Variants in EIPR1 observed in about 807,000 individuals in gnomAD.
EIPR1 encodes the protein EARP complex and GARP complex interacting protein 1.
Under a neutral mutation model 48.1 loss-of-function variants are expected in EIPR1, and 25 were observed. The observed-to-expected ratio is 0.52, with a 90% CI of 0.38 to 0.73. The LOEUF is 0.73. Among genes scored for constraint, EIPR1 ranks in the 30% least tolerant of loss-of-function variants. The pLI is 0.00. For synonymous variants in EIPR1, 204 were observed against 201.9 expected (o/e 1.01, Z -0.09); for missense variants, 415 against 506.2 (o/e 0.82, Z 1.73).
At chr2:3,249,292 C>T (rs1666934820) in intron 4 of EIPR1, among the ~76,000 whole-genome samples, 1 of 152,232 alleles carries the variant, frequency 6.6e-6, no homozygotes, top group Non-Finnish European at 1.5e-5. Context: ...AAAGGTCACC[C>T]TTGTTAATGC....
At position 3,286,798 on chromosome 2, in the gene EIPR1, G is replaced by T. The variant is rs1668198974; in HGVS notation, c.260-29343C>A. Among the ~76,000 whole-genome samples the T allele has an allele frequency of 2.0e-5, 3 of 152,222 alleles. No individual in the cohort carries two copies. On this transcript the variant is annotated intron_variant, in intron 3 of 8. Coordinates refer to ENST00000382125, the MANE Select transcript of EIPR1 (RefSeq NM_003310.5). The surrounding 1 kb of genome is among the most constrained non-coding windows in gnomAD (Gnocchi z 4.2). ...TTCACATACAGACAAGGAAACCAAG[G>T]CTTGGAGAGTTGAAGCCACCGTCCA...
At chr2:3,274,447 T>G (rs1471371034) in intron 3 of EIPR1, 1 of 1,547,478 alleles carries the variant, frequency 6.5e-7, no homozygotes, top group African/African-American at 1.4e-5. Context: ...GCAGAACTGT[T>G]CAGTCAGCTA....
chr2:3,269,261 CA>C (rs1176330011), intron 3 of EIPR1, among the ~76,000 whole-genome samples: 7 of 93,974 alleles, frequency 7.4e-5, no homozygotes, highest in African/African-American at 2.3e-4. Context: ...TCATCGCACT[CA>C]GTCATGGCAC....
At chr2:3,334,226 A>G (rs1368828899) in intron 3 of EIPR1, among the ~76,000 whole-genome samples, 1 of 152,206 alleles carries the variant, frequency 6.6e-6, no homozygotes, top group African/African-American at 2.4e-5. Context: ...ACACTACTGG[A>G]AGACAAAGAG....
intron 4 of EIPR1, among the ~76,000 whole-genome samples, chr2:3,239,623 T>C (rs913014325): frequency 1.1e-4 from 17 of 152,056 alleles, no homozygotes; most frequent in Middle Eastern, 3.2e-3. Flanking sequence ...CCTTCCTGGC[T>C]GCTCATTAAC....
At chr2:3,295,863 CCT>C (rs748280360) in intron 3 of EIPR1, among the ~76,000 whole-genome samples, 6 of 124,300 alleles carry the variant, frequency 4.8e-5, no homozygotes, top group Non-Finnish European at 1.0e-4. Flanking sequence ...TCCAGCCCAT[CCT>C]CTCTCTGCAC....
intron 3 of EIPR1, among the ~76,000 whole-genome samples, chr2:3,294,128 AG>A (rs1426295737): frequency 6.6e-6 from 1 of 152,178 alleles, no homozygotes; most frequent in Non-Finnish European, 1.5e-5. Flanking sequence ...CTTATTGTGT[AG>A]AAGTAATATT....
chr2:3,355,731 C>T (rs1670707680), intron 1 of EIPR1, among the ~76,000 whole-genome samples: 1 of 152,068 alleles, frequency 6.6e-6, no homozygotes, highest in African/African-American at 2.4e-5. Flanking sequence ...AGGAGGATCA[C>T]TCGAGCCCAG....
At chr2:3,276,397 T>A (rs1348412955) in intron 3 of EIPR1, among the ~76,000 whole-genome samples, 1 of 152,266 alleles carries the variant, frequency 6.6e-6, no homozygotes, top group African/African-American at 2.4e-5. Context: ...TGAAAAATAT[T>A]GCTTTTATAA....
chr2:3,261,373 C>T (rs2103226316), intron 3 of EIPR1, among the ~76,000 whole-genome samples: 1 of 152,296 alleles, frequency 6.6e-6, no homozygotes, highest in African/African-American at 2.4e-5. Flanking sequence ...GAAGTCACCC[C>T]ACTCACAGTC....
chr2:3,360,779 C>A (rs1670834052), intron 1 of EIPR1, among the ~76,000 whole-genome samples: 2 of 152,168 alleles, frequency 1.3e-5, no homozygotes, highest in South Asian at 2.1e-4. Flanking sequence ...GGGGCTTCAG[C>A]TTGAAGCAGG....
intron 4 of EIPR1, among the ~76,000 whole-genome samples, chr2:3,238,390 C>A (rs1240331875): frequency 6.6e-6 from 1 of 152,206 alleles, no homozygotes; most frequent in Admixed American, 6.5e-5. Flanking sequence ...GAGGTCCTGT[C>A]GCCTGCACAG....
chr2:3,294,815 C>CA (rs1668490011), intron 3 of EIPR1, among the ~76,000 whole-genome samples: 2 of 115,354 alleles, frequency 1.7e-5, no homozygotes, highest in Non-Finnish European at 3.6e-5. Context: ...CATCCTCTCT[C>CA]CACACACCCT....
chr2:3,338,379 G>A (rs777685103), intron 2 of EIPR1, among the ~76,000 whole-genome samples: 14 of 152,196 alleles, frequency 9.2e-5, no homozygotes, highest in Admixed American at 6.5e-4. Flanking sequence ...TGCAAGCTAC[G>A]TAAGACTGCC....
At chr2:3,285,184 T>C (rs4854118) in intron 3 of EIPR1, among the ~76,000 whole-genome samples, 52,281 of 151,788 alleles carry the variant, frequency 0.34, 9,166 homozygotes, top group African/African-American at 0.38. Flanking sequence ...CCACACAAAC[T>C]GGAGACACCC....
chr2:3,307,024 G>A (rs1036080539), intron 3 of EIPR1, among the ~76,000 whole-genome samples: 8 of 151,512 alleles, frequency 5.3e-5, no homozygotes, highest in Non-Finnish European at 8.8e-5. Context: ...CTGGAGTGGC[G>A]TGATCCGGGC....
intron 5 of EIPR1, among the ~76,000 whole-genome samples, chr2:3,198,446 T>C (rs1399438834): frequency 6.6e-6 from 1 of 152,164 alleles, no homozygotes; most frequent in East Asian, 1.9e-4. Flanking sequence ...AAGAGCCACA[T>C]CTTCACCTCC....
chr2:3,355,882 A>T (rs1670712802), intron 1 of EIPR1, among the ~76,000 whole-genome samples: 1 of 152,172 alleles, frequency 6.6e-6, no homozygotes, highest in Non-Finnish European at 1.5e-5. Context: ...ATAAAACAAA[A>T]CCACATGATC....
chr2:3,337,916 C>A, intron 3 of EIPR1, 101 bp downstream of exon 3: 14 of 1,319,682 alleles, frequency 1.1e-5, no homozygotes, highest in Non-Finnish European at 1.3e-5. Flanking sequence ...ATGGCTAAAT[C>A]TTTTCAGTCA....
Sources: allele counts gnomAD v4.1 joint callset (sites outside exome capture counted in the v4.1 genomes callset), GRCh38; gene constraint gnomAD v4.1.1; non-coding constraint Gnocchi (gnomAD v3.1); transcripts MANE v1.5; gene names NCBI Gene and HGNC (gene_info 2026-07-23, HGNC 2026-07-21).